Variants in C8B observed in about 807,000 individuals in gnomAD.
C8B encodes complement C8 beta chain, also known as complement component C8 beta chain.
C8B carries 67 observed loss-of-function variants against 64.6 expected under a neutral mutation model. The ratio of observed to expected loss-of-function variants is 1.04; its 90% CI spans 0.85 to 1.27. C8B has a LOEUF of 1.27. C8B is among the 50% of genes most tolerant of loss of function. The probability of loss-of-function intolerance (pLI) is 0.00; values close to 1 mark genes in which losing one functional copy is unlikely to be tolerated. For synonymous variants in C8B, 284 were observed against 257.7 expected, an observed-to-expected ratio of 1.10 and a Z score of -0.98; for missense variants, 790 against 725.2, an observed-to-expected ratio of 1.09 and a Z score of -1.03.
chr1:56,955,745 C>T (rs1249202699), intron 3 of C8B, among the ~76,000 whole-genome samples: 1 of 152,198 alleles, frequency 6.6e-6, no homozygotes, highest in African/African-American at 2.4e-5. Flanking sequence ...TAGAATTTTG[C>T]ATTTGCAATA....
intron 9 of C8B, among the ~76,000 whole-genome samples, chr1:56,939,390 C>T (rs931674660): frequency 3.3e-5 from 5 of 152,212 alleles, no homozygotes; most frequent in African/African-American, 1.2e-4. Context: ...TGGCAGCCTT[C>T]TTGTTCTGCA....
At chr1:56,949,900 C>T (rs946602692) in intron 5 of C8B, 148 bp from the exon 6 acceptor site, 2 of 669,676 alleles carry the variant, frequency 3.0e-6, no homozygotes, top group Non-Finnish European at 5.3e-6. Flanking sequence ...ATTTGTGTCC[C>T]CACCTCAGGG....
intron 1 of C8B, 50 bp from the exon 2 acceptor site, chr1:56,960,226 T>A: frequency 1.3e-6 from 2 of 1,527,298 alleles, no homozygotes; most frequent in Non-Finnish European, 1.8e-6. Flanking sequence ...GGGAATTAAG[T>A]ATACATCCAA....
At chr1:56,949,429 C>T (rs1377255686) in intron 6 of C8B, 126 bp downstream of exon 6, 3 of 913,864 alleles carry the variant, frequency 3.3e-6, no homozygotes, top group African/African-American at 3.3e-5. Context: ...ACTTCCCAGC[C>T]TCCAGAACTG....
chr1:56,930,341 A>G (rs591730), intron 11 of C8B, among the ~76,000 whole-genome samples: 48,449 of 152,076 alleles, frequency 0.32, 8,261 homozygotes, highest in East Asian at 0.52. Context: ...CTTCCATCAC[A>G]ATTTATCATG....
chr1:56,934,546 T>C (rs1644748936), intron 9 of C8B, among the ~76,000 whole-genome samples: 1 of 152,200 alleles, frequency 6.6e-6, no homozygotes, highest in Admixed American at 6.5e-5. Flanking sequence ...CAGCTTTTGC[T>C]TGTGATTCTG....
At chr1:56,948,905 T>C (rs1303733883) in intron 6 of C8B, among the ~76,000 whole-genome samples, 1 of 152,140 alleles carries the variant, frequency 6.6e-6, no homozygotes, top group Non-Finnish European at 1.5e-5. Flanking sequence ...CAAAGCTACA[T>C]CTTAAGCTTA....
At chr1:56,942,656 G>A (rs149669846) in intron 8 of C8B, among the ~76,000 whole-genome samples, 58 of 151,990 alleles carry the variant, frequency 3.8e-4, no homozygotes, top group African/African-American at 1.3e-3. Context: ...GTGAGCTGAG[G>A]TCATACCACT....
rs757464856 is a variant in C8B, at chr1:56,965,880, G to T, written c.69C>A (p.Gly23=). The part of the protein sequence containing the change: ...VELFLLCAAL[G]CLSLPGSRGE... ...ACCTGGAGCCAGGCAAACTGAGACA[G>T]CCCAGGGCAGCACAGAGAAGAAATA... Residue 23 remains glycine, a synonymous_variant, in exon 1 of 12, where the codon GGC becomes GGA. Transcript: ENST00000371237. The T allele has an allele frequency of 2.5e-6, 4 of 1,614,080 alleles. No homozygotes were observed. The highest frequency in any genetic ancestry group is 2.5e-6 in the Non-Finnish European group (3 of 1,180,022).
rs759514357 is a variant in C8B, at chr1:56,940,951, A to G, written c.1296T>C (p.Ser432=). The change falls in exon 9 of 12, where the codon AGT becomes AGC. Residue 432 remains serine, a synonymous_variant. Transcript: ENST00000371237. The stretch of plus-strand genomic sequence containing the variant: ...GGTATGCCAGGGTGGTGATGTGCTC[A>G]CTTGCCCCTCCTCGTACCAGGACCA... The part of the protein sequence containing the change: ...DLVVLVRGGA[S]EHITTLAYQE... 5.0e-6 allele frequency: 8 copies of G among 1,613,940 alleles called. No homozygotes were observed. The highest frequency in any genetic ancestry group is 6.8e-6 in the Non-Finnish European group (8 of 1,180,010).
chr1:56,960,280 G>A, intron 1 of C8B, 104 bp from the exon 2 acceptor site: 1 of 1,050,224 alleles, frequency 9.5e-7, no homozygotes. Context: ...GCTCACTTGT[G>A]CAAGGCTATT....
chr1:56,961,359 C>T (rs187282785), intron 1 of C8B, among the ~76,000 whole-genome samples: 29 of 152,308 alleles, frequency 1.9e-4, no homozygotes, highest in Middle Eastern at 3.4e-3. Context: ...GCATCACCCA[C>T]GCTATCTTCT....
At chr1:56,963,134 C>A (rs1357313258) in intron 1 of C8B, among the ~76,000 whole-genome samples, 2 of 152,138 alleles carry the variant, frequency 1.3e-5, no homozygotes, top group African/African-American at 2.4e-5. Context: ...GGTGTCTTTC[C>A]TGGGGATGCA....
intron 1 of C8B, among the ~76,000 whole-genome samples, chr1:56,963,074 T>C (rs1253924657): frequency 6.6e-6 from 1 of 152,236 alleles, no homozygotes; most frequent in African/African-American, 2.4e-5. Context: ...GTAAACGCCC[T>C]TGCTCAGCTC....
intron 9 of C8B, among the ~76,000 whole-genome samples, chr1:56,933,694 C>T (rs1185176530): frequency 6.6e-6 from 1 of 152,152 alleles, no homozygotes; most frequent in Non-Finnish European, 1.5e-5. Context: ...TCAACAAACA[C>T]TTAGAATGCT....
At chr1:56,930,327 A>G (rs1644681745) in intron 11 of C8B, among the ~76,000 whole-genome samples, 1 of 152,204 alleles carries the variant, frequency 6.6e-6, no homozygotes, top group South Asian at 2.1e-4. Flanking sequence ...CAAGTCATCA[A>G]TCACTTCCAT....
intron 6 of C8B, among the ~76,000 whole-genome samples, chr1:56,947,950 A>G (rs543660359): frequency 1.2e-5 from 1 of 81,532 alleles, no homozygotes; most frequent in South Asian, 4.9e-4. Flanking sequence ...ACAAAACAAA[A>G]CAAAACAAAC....
At chr1:56,956,738 T>C in intron 3 of C8B, 31 bp downstream of exon 3, 1 of 1,612,654 alleles carries the variant, frequency 6.2e-7, no homozygotes, top group Non-Finnish European at 8.5e-7. Flanking sequence ...CATTTCAGGC[T>C]TTCCCCTCTT....
At chr1:56,939,834 C>T (rs938535369) in intron 9 of C8B, among the ~76,000 whole-genome samples, 1 of 152,150 alleles carries the variant, frequency 6.6e-6, no homozygotes, top group Non-Finnish European at 1.5e-5. Flanking sequence ...CTTCTCTAGC[C>T]CTTGATTTCT....
Sources: gnomAD v4.1 joint callset for allele counts (sites outside exome capture counted in the v4.1 genomes callset) on GRCh38, gnomAD v4.1.1 for gene constraint, MANE v1.5 for transcripts, NCBI Gene and HGNC (gene_info 2026-07-23, HGNC 2026-07-21) for gene names.